Variants in CADM2 observed in about 807,000 individuals in gnomAD.
CADM2 encodes the protein immunoglobulin superfamily member 4D.
CADM2 carries 12 observed loss-of-function variants against 49.8 expected under a neutral mutation model. The ratio of observed to expected loss-of-function variants is 0.24; its 90% CI spans 0.15 to 0.39. The LOEUF (loss-of-function observed/expected upper bound fraction) is 0.39. Ranked by LOEUF, CADM2 falls within the 10% of genes least tolerant of loss-of-function variation. The pLI is 1.00. For synonymous variants in CADM2, 214 were observed against 175.4 expected, an observed-to-expected ratio of 1.22 and a Z score of -1.74; for missense variants, 378 against 492.3, an observed-to-expected ratio of 0.77 and a Z score of 2.20.
chr3:85,183,539 G>A (rs1415676566), intron 1 of CADM2, among the ~76,000 whole-genome samples: 1 of 152,060 alleles, frequency 6.6e-6, no homozygotes, highest in Non-Finnish European at 1.5e-5. Flanking sequence ...TTTCTAACCT[G>A]CTGATTAACC....
chr3:85,265,364 G>A (rs547134099), intron 1 of CADM2, among the ~76,000 whole-genome samples: 21 of 151,754 alleles, frequency 1.4e-4, no homozygotes, highest in African/African-American at 5.1e-4. Context: ...ATTTATAAAA[G>A]ATTAAAGTTT....
At chr3:85,699,738 G>A (rs1460503204) in intron 1 of CADM2, among the ~76,000 whole-genome samples, 1 of 152,248 alleles carries the variant, frequency 6.6e-6, no homozygotes, top group Non-Finnish European at 1.5e-5. Context: ...TGATGGAAGG[G>A]ACAGCCAGGA....
intron 1 of CADM2, among the ~76,000 whole-genome samples, chr3:85,439,700 C>T (rs1039522942): frequency 6.6e-6 from 1 of 152,030 alleles, no homozygotes; most frequent in East Asian, 1.9e-4. Context: ...TTGACTCCCC[C>T]TAAAATTTCC....
At chr3:86,043,784 G>A (rs1005702518) in intron 8 of CADM2, among the ~76,000 whole-genome samples, 1 of 152,122 alleles carries the variant, frequency 6.6e-6, no homozygotes, top group Non-Finnish European at 1.5e-5. Flanking sequence ...TAAAGCTGGA[G>A]GCATCATGCT....
chr3:86,002,862 C>T (rs1462157908), intron 8 of CADM2, among the ~76,000 whole-genome samples: 1 of 152,046 alleles, frequency 6.6e-6, no homozygotes, highest in Non-Finnish European at 1.5e-5. Context: ...ATAACTGGTC[C>T]TCTAGTTAGG....
intron 1 of CADM2, among the ~76,000 whole-genome samples, chr3:84,986,915 G>A (rs1376998470): frequency 1.3e-5 from 2 of 151,622 alleles, no homozygotes; most frequent in Admixed American, 1.3e-4. Context: ...AGCTGGGTGT[G>A]GTGGCGCATA....
At chr3:85,719,576 A>T (rs544132759) in intron 1 of CADM2, among the ~76,000 whole-genome samples, 3 of 152,166 alleles carry the variant, frequency 2.0e-5, no homozygotes, top group Non-Finnish European at 2.9e-5. Flanking sequence ...GAGAAAATAT[A>T]TTTACTCTTC....
chr3:85,413,161 A>AAAAAAAAAAATAAT (rs1553720239), intron 1 of CADM2, among the ~76,000 whole-genome samples: 2 of 108,526 alleles, frequency 1.8e-5, no homozygotes, highest in African/African-American at 8.1e-5. Flanking sequence ...AAAAAAAAAA[A>AAAAAAAAAAATAAT]AATAATAATA....
At chr3:85,421,604 G>T (rs1466304556) in intron 1 of CADM2, among the ~76,000 whole-genome samples, 2 of 152,106 alleles carry the variant, frequency 1.3e-5, no homozygotes, top group African/African-American at 2.4e-5. Flanking sequence ...ACACCTCATG[G>T]TCCTGAATCT....
chr3:85,999,268 GGT>G lies in CADM2; in HGVS notation c.970+37622_970+37623del, dbSNP rs1371717961. ...AATCCCATCACTTTGGGAGGCCGAGGGTTGGGGGGTGGATCACTTGAGTTCAG... is the reference window on the plus strand; with the variant it reads ...AATCCCATCACTTTGGGAGGCCGAGGTGGGGGGTGGATCACTTGAGTTCAG... On this transcript the variant is annotated intron_variant, in intron 8 of 9. Coordinates refer to ENST00000383699, the MANE Select transcript of CADM2 (RefSeq NM_001167675.2). Among the ~76,000 whole-genome samples the G allele has an allele frequency of 1.7e-3, 246 of 146,846 alleles. 2 individuals are homozygous for G. The highest frequency in any genetic ancestry group is 2.3e-3 in the Non-Finnish European group (157 of 67,524).
intron 1 of CADM2, among the ~76,000 whole-genome samples, chr3:85,041,784 G>A (rs6801271): frequency 0.61 from 92,895 of 152,040 alleles, 28,880 homozygotes; most frequent in Middle Eastern, 0.66. Flanking sequence ...TGGTGTTACT[G>A]TTTCGTACTT....
At chr3:85,152,406 G>T (rs2039953720) in intron 1 of CADM2, among the ~76,000 whole-genome samples, 1 of 152,108 alleles carries the variant, frequency 6.6e-6, no homozygotes, top group Non-Finnish European at 1.5e-5. Context: ...CTCTTATCCT[G>T]CTTCTTACTG....
At chr3:85,554,973 C>A (rs1481630410) in intron 1 of CADM2, among the ~76,000 whole-genome samples, 5 of 151,244 alleles carry the variant, frequency 3.3e-5, no homozygotes, top group Non-Finnish European at 1.5e-5. Flanking sequence ...ACCTTGGCCT[C>A]ACAAAGTGTT....
rs180934206 is a variant in CADM2, at chr3:85,003,629, A to G, written c.61+43961A>G. Among the ~76,000 whole-genome samples, 266 of 152,248 alleles carry G rather than the reference A, an allele frequency of 1.7e-3. 1 individual carries two copies. Among genetic ancestry groups the G allele is most frequent in the Non-Finnish European group, 3.2e-3 (220 of 68,012 alleles). ...AGACTACTTAAACCAAAAAAATAAA[A>G]TTTTGTGAACTTGCTGCTATGATGT... On this transcript the variant is annotated intron_variant, in intron 1 of 9. Coordinates refer to ENST00000383699, the MANE Select transcript of CADM2 (RefSeq NM_001167675.2).
chr3:85,163,570 C>T (rs982704670), intron 1 of CADM2, among the ~76,000 whole-genome samples: 9 of 152,042 alleles, frequency 5.9e-5, no homozygotes, highest in Admixed American at 5.9e-4. Flanking sequence ...GACAATTAAT[C>T]TGCATGTATT....
chr3:85,071,845 G>C (rs554706413), intron 1 of CADM2, among the ~76,000 whole-genome samples: 1 of 151,768 alleles, frequency 6.6e-6, no homozygotes, highest in Non-Finnish European at 1.5e-5. Flanking sequence ...ATGATTGTTT[G>C]TATGAAGCAA....
intron 1 of CADM2, among the ~76,000 whole-genome samples, chr3:85,457,459 T>C (rs1190979295): frequency 6.6e-6 from 1 of 152,128 alleles, no homozygotes; most frequent in African/African-American, 2.4e-5. Context: ...ATTTCTTATA[T>C]TTTAACACTT....
intron 1 of CADM2, among the ~76,000 whole-genome samples, chr3:85,442,877 T>G (rs928382662): frequency 1.3e-5 from 2 of 151,662 alleles, no homozygotes; most frequent in Non-Finnish European, 2.9e-5. Flanking sequence ...TCTCGTGGAT[T>G]TAGGTAAATA....
chr3:85,962,881 T>C (rs1377198929), intron 8 of CADM2, among the ~76,000 whole-genome samples: 1 of 151,960 alleles, frequency 6.6e-6, no homozygotes, highest in South Asian at 2.1e-4. Flanking sequence ...TTAGAAACTA[T>C]GGACAAAATA....
Sources: gnomAD v4.1 joint callset for allele counts (sites outside exome capture counted in the v4.1 genomes callset) on GRCh38, gnomAD v4.1.1 for gene constraint, MANE v1.5 for transcripts, NCBI Gene and HGNC (gene_info 2026-07-23, HGNC 2026-07-21) for gene names.